The following ROBO2 variants were observed in gnomAD, a reference collection of about 807,000 sequenced individuals.
ROBO2 encodes roundabout homolog 2.
ROBO2 carries 53 observed loss-of-function variants against 160.8 expected under a neutral mutation model. The observed-to-expected ratio is 0.33, with a 90% CI of 0.26 to 0.41. The LOEUF is 0.41. Among genes scored for constraint, ROBO2 ranks in the 10% least tolerant of loss-of-function variants. The pLI is 1.00. For synonymous variants in ROBO2, 664 were observed against 611.7 expected (o/e 1.09, Z -1.26); for missense variants, 1,577 against 1,722.4 (o/e 0.92, Z 1.49).
At chr3:76,059,663 T>C (rs553435260) in intron 2 of ROBO2, among the ~76,000 whole-genome samples, 72 of 152,158 alleles carry the variant, frequency 4.7e-4, no homozygotes, top group African/African-American at 1.2e-3. Flanking sequence ...AATTAGATCC[T>C]ATCTGTCAAT....
chr3:76,624,073 AG>A (rs1190764212), intron 2 of ROBO2, among the ~76,000 whole-genome samples: 1 of 152,134 alleles, frequency 6.6e-6, no homozygotes, highest in Non-Finnish European at 1.5e-5. Context: ...TTAAAAAAAA[AG>A]CGATTATGTT....
intron 2 of ROBO2, among the ~76,000 whole-genome samples, chr3:76,164,854 C>T (rs2072764988): frequency 2.4e-5 from 1 of 41,402 alleles, no homozygotes; most frequent in South Asian, 2.2e-3. Flanking sequence ...TGCCTGGGGC[C>T]TGGCTGGGAC....
chr3:77,145,404 C>T (rs769513914), intron 2 of ROBO2, among the ~76,000 whole-genome samples: 5 of 152,142 alleles, frequency 3.3e-5, no homozygotes, highest in Non-Finnish European at 4.4e-5. Context: ...TTGTAGCTAA[C>T]GTTCTGAAGG....
chr3:76,442,603 G>C (rs1009087237), intron 2 of ROBO2, among the ~76,000 whole-genome samples: 1 of 152,074 alleles, frequency 6.6e-6, no homozygotes, highest in African/African-American at 2.4e-5. Context: ...ACTACTGTCA[G>C]AAAATATTCA....
intron 2 of ROBO2, among the ~76,000 whole-genome samples, chr3:76,317,894 G>T (rs1411390560): frequency 6.6e-6 from 1 of 151,900 alleles, no homozygotes; most frequent in African/African-American, 2.4e-5. Context: ...TGGTGCTTGA[G>T]AATAATAGAT....
intron 2 of ROBO2, among the ~76,000 whole-genome samples, chr3:76,808,288 T>C (rs2064894993): frequency 6.6e-6 from 1 of 152,134 alleles, no homozygotes; most frequent in South Asian, 2.1e-4. Context: ...TGCACACTCG[T>C]AAACTGAACA....
intron 2 of ROBO2, among the ~76,000 whole-genome samples, chr3:76,199,551 A>G (rs1223101145): frequency 6.6e-6 from 1 of 152,122 alleles, no homozygotes; most frequent in Admixed American, 6.6e-5. Context: ...ATTGTTGGTA[A>G]CTTCGTGAGA....
chr3:75,991,989 T>C (rs571560032), intron 2 of ROBO2, among the ~76,000 whole-genome samples: 1 of 152,292 alleles, frequency 6.6e-6, no homozygotes, highest in East Asian at 1.9e-4. Context: ...GGAAGAAATT[T>C]CTAAGCAGCA....
chr3:77,498,192 C>A (rs577074048), intron 5 of ROBO2, among the ~76,000 whole-genome samples: 1 of 152,164 alleles, frequency 6.6e-6, no homozygotes, highest in South Asian at 2.1e-4. Context: ...TTTTTTATTT[C>A]ATTTTTATTT....
At chr3:77,606,294 T>C (rs2094524844) in intron 20 of ROBO2, among the ~76,000 whole-genome samples, 1 of 152,182 alleles carries the variant, frequency 6.6e-6, no homozygotes, top group South Asian at 2.1e-4. Context: ...CATTGTCTCT[T>C]GTAATTCTCA....
chr3:76,968,431 A>G (rs566499982), intron 2 of ROBO2, among the ~76,000 whole-genome samples: 1 of 152,304 alleles, frequency 6.6e-6, no homozygotes, highest in South Asian at 2.1e-4. Flanking sequence ...AATCTAATCA[A>G]ATAATATAAG....
At chr3:76,351,202 G>A (rs1376607946) in intron 2 of ROBO2, among the ~76,000 whole-genome samples, 1 of 151,792 alleles carries the variant, frequency 6.6e-6, no homozygotes, top group Admixed American at 6.6e-5. Flanking sequence ...CATCACATGT[G>A]GCTGAATAGT....
chr3:76,095,472 A>G (rs536511361), intron 2 of ROBO2, among the ~76,000 whole-genome samples: 1 of 152,262 alleles, frequency 6.6e-6, no homozygotes, highest in South Asian at 2.1e-4. Flanking sequence ...TAAGACAAGC[A>G]TAGGTTGGGC....
At chr3:77,136,719 C>T (rs2150391842) in intron 2 of ROBO2, among the ~76,000 whole-genome samples, 1 of 151,722 alleles carries the variant, frequency 6.6e-6, no homozygotes, top group Non-Finnish European at 1.5e-5. Flanking sequence ...TCACTGCAAC[C>T]TCCATCTCCC....
At chr3:76,179,531 G>T (rs1481381555) in intron 2 of ROBO2, among the ~76,000 whole-genome samples, 1 of 152,052 alleles carries the variant, frequency 6.6e-6, no homozygotes, top group Non-Finnish European at 1.5e-5. Flanking sequence ...TTTCGTTTCT[G>T]ATACTTCCTT....
At chr3:76,342,753 A>G (rs1294995671) in intron 2 of ROBO2, among the ~76,000 whole-genome samples, 1 of 152,106 alleles carries the variant, frequency 6.6e-6, no homozygotes, top group African/African-American at 2.4e-5. Context: ...TGTATTTTCA[A>G]AATATATCTG....
chr3:76,112,489 T>G (rs997480058), intron 2 of ROBO2, among the ~76,000 whole-genome samples: 1 of 152,078 alleles, frequency 6.6e-6, no homozygotes, highest in African/African-American at 2.4e-5. Flanking sequence ...ATCTGTTTAT[T>G]TTTAATTTGG....
At chr3:76,672,277 A>C (rs1221155284) in intron 2 of ROBO2, among the ~76,000 whole-genome samples, 1 of 152,216 alleles carries the variant, frequency 6.6e-6, no homozygotes, top group Middle Eastern at 3.4e-3. Context: ...CCATATTTTA[A>C]GAAAGAGTCC....
chr3:77,230,096 G>GTTTTTTTTTTTTTTTTTTTTTTTT (rs531019924), intron 2 of ROBO2, among the ~76,000 whole-genome samples: 2 of 146,596 alleles, frequency 1.4e-5, no homozygotes, highest in African/African-American at 5.0e-5. Flanking sequence ...ATGCTAGACA[G>GTTTTTTTTTTTTTTTTTTTTTTTT]TTTTTTTTTT....
Sources: allele counts gnomAD v4.1 joint callset (sites outside exome capture counted in the v4.1 genomes callset), GRCh38; gene constraint gnomAD v4.1.1; transcripts MANE v1.5; gene names NCBI Gene and HGNC (gene_info 2026-07-23, HGNC 2026-07-21).